FAM151B: variants seen among roughly 807,000 people sequenced by gnomAD.
The protein encoded by FAM151B is family with sequence similarity 151 member B.
Under a neutral mutation model 31.2 loss-of-function variants are expected in FAM151B, and 24 were observed. That is an observed-to-expected ratio of 0.77 (90% CI 0.56 to 1.08). FAM151B has a LOEUF of 1.08. FAM151B is among the 50% of genes least tolerant of loss of function. FAM151B has a pLI of 0.00. For missense variants in FAM151B, 293 were observed against 328.6 expected, an observed-to-expected ratio of 0.89 and a Z score of 0.84; for synonymous variants, 105 against 111.4, an observed-to-expected ratio of 0.94 and a Z score of 0.36.
intron 2 of FAM151B, among the ~76,000 whole-genome samples, chr5:80,502,340 G>T (rs1743778571): frequency 6.6e-6 from 1 of 152,048 alleles, no homozygotes; most frequent in African/African-American, 2.4e-5. Context: ...ATTTTCTTAT[G>T]TATGTAGTGA....
At chr5:80,504,352 C>T (rs1743865490) in intron 2 of FAM151B, among the ~76,000 whole-genome samples, 1 of 152,002 alleles carries the variant, frequency 6.6e-6, no homozygotes, top group Non-Finnish European at 1.5e-5. Flanking sequence ...CTAGAAGCCA[C>T]CAGGATTTCT....
chr5:80,540,068 C>T (rs2046029568), intron 5 of FAM151B, among the ~76,000 whole-genome samples: 1 of 152,138 alleles, frequency 6.6e-6, no homozygotes, highest in African/African-American at 2.4e-5. Context: ...AGGAAGTCAG[C>T]GTTGATACAA....
chr5:80,537,543 T>G (rs574952688), intron 5 of FAM151B, among the ~76,000 whole-genome samples: 1 of 152,324 alleles, frequency 6.6e-6, no homozygotes, highest in Non-Finnish European at 1.5e-5. Flanking sequence ...CCATGAGTAG[T>G]TGTCAAAATC....
intron 1 of FAM151B, among the ~76,000 whole-genome samples, chr5:80,491,789 G>A (rs780460293): frequency 2.0e-5 from 3 of 152,040 alleles, no homozygotes; most frequent in African/African-American, 4.8e-5. Flanking sequence ...TTCGTTTGTC[G>A]AAGATGACAG....
intron 1 of FAM151B, among the ~76,000 whole-genome samples, chr5:80,497,521 C>T (rs1743589686): frequency 6.6e-6 from 1 of 151,878 alleles, no homozygotes; most frequent in Non-Finnish European, 1.5e-5. Flanking sequence ...AGAGTTACAG[C>T]CTGTTTAAAT....
chr5:80,531,874 A>G (rs545362549), intron 5 of FAM151B, among the ~76,000 whole-genome samples: 1 of 152,316 alleles, frequency 6.6e-6, no homozygotes, highest in East Asian at 1.9e-4. Flanking sequence ...TGATCCAGCC[A>G]TCTCATTACT....
At chr5:80,521,919 C>A in intron 4 of FAM151B, 84 bp from the exon 5 acceptor site, 1 of 964,268 alleles carries the variant, frequency 1.0e-6, no homozygotes, top group South Asian at 2.3e-5. Context: ...ATGGTTTTAC[C>A]TAATTATAGG....
chr5:80,515,573 G>A (rs2112631934), intron 3 of FAM151B, among the ~76,000 whole-genome samples: 1 of 152,244 alleles, frequency 6.6e-6, no homozygotes, highest in South Asian at 2.1e-4. Context: ...CTTCTCACCA[G>A]TCAGATCAGC....
intron 1 of FAM151B, chr5:80,500,997 G>C (rs1743719667): frequency 1.6e-6 from 1 of 611,956 alleles, no homozygotes; most frequent in Non-Finnish European, 2.9e-6. Context: ...TGAAGAAAAA[G>C]ACCATCCATT....
chr5:80,520,036 A>G (rs1319020034), intron 4 of FAM151B, 126 bp downstream of exon 4: 1 of 823,606 alleles, frequency 1.2e-6, no homozygotes, highest in East Asian at 2.7e-5. Flanking sequence ...AAAAGGCCTG[A>G]CCCTTCAGGT....
chr5:80,500,351 A>G, intron 1 of FAM151B: 1 of 1,037,642 alleles, frequency 9.6e-7, no homozygotes, highest in Non-Finnish European at 1.5e-6. Flanking sequence ...TGTAGAAGAG[A>G]AAGAGAAGGT....
At chr5:80,488,923 A>C (rs1743211593) in intron 1 of FAM151B, among the ~76,000 whole-genome samples, 2 of 152,094 alleles carry the variant, frequency 1.3e-5, no homozygotes, top group Non-Finnish European at 2.9e-5. Context: ...ATATTAGTAT[A>C]GGGAAATAGG....
At chr5:80,512,845 A>AT (rs1400194723) in intron 2 of FAM151B, among the ~76,000 whole-genome samples, 2 of 151,690 alleles carry the variant, frequency 1.3e-5, no homozygotes, top group Admixed American at 6.6e-5. Flanking sequence ...TTTTAAAATT[A>AT]TTTTTTCCAA....
intron 5 of FAM151B, among the ~76,000 whole-genome samples, chr5:80,539,772 A>G (rs1222006286): frequency 1.3e-5 from 2 of 148,630 alleles, no homozygotes; most frequent in East Asian, 3.9e-4. Flanking sequence ...GATTACAGGC[A>G]TGAGCCACCG....
At chr5:80,512,742 A>G (rs1744236882) in intron 2 of FAM151B, among the ~76,000 whole-genome samples, 1 of 150,654 alleles carries the variant, frequency 6.6e-6, no homozygotes, top group South Asian at 2.1e-4. Context: ...TAATGCTGCT[A>G]CTGCATCAGC....
intron 2 of FAM151B, among the ~76,000 whole-genome samples, chr5:80,507,440 G>A (rs994108603): frequency 1.3e-5 from 2 of 152,112 alleles, no homozygotes; most frequent in African/African-American, 4.8e-5. Context: ...CAGCACTTTG[G>A]GAGGCCAAGG....
Position 80,501,979 on chromosome 5 carries a change from G to T in FAM151B, c.151+62G>T, listed in dbSNP as rs149944081. 401 of 1,358,668 alleles carry T rather than the reference G, an allele frequency of 3.0e-4. 3 individuals are homozygous for T. In the African/African-American group the frequency reaches 5.4e-3, roughly 18 times the overall value. The allele number at this position is 1,358,668 out of a possible 1,614,324, so 84.2% of individuals were successfully genotyped here. On this transcript the variant is annotated intron_variant, in intron 2 of 5. Coordinates refer to ENST00000282226, the MANE Select transcript of FAM151B (RefSeq NM_205548.3). ...AATAGATTAATTCAACTCCTTTTTT[G>T]ATATCTAGGTATATTTGCAGATACT...
chr5:80,541,583 G>A, intron 5 of FAM151B, 90 bp from the exon 6 acceptor site: 1 of 1,191,632 alleles, frequency 8.4e-7, no homozygotes, highest in East Asian at 2.4e-5. Flanking sequence ...ATTTGAGTTA[G>A]AGATAAATGA....
Position 80,500,597 on chromosome 5 carries a change from G to C in FAM151B, c.26-1195G>C, listed in dbSNP as rs927699569. ...CTGTGTACCTGCAGAACCCAAAATG[G>C]CATTTGTCCTCAGGATCAGAGGTGT... On this transcript the variant is annotated intron_variant, in intron 1 of 5. Coordinates refer to ENST00000282226, the MANE Select transcript of FAM151B (RefSeq NM_205548.3). 21 of 757,178 alleles carry C rather than the reference G, an allele frequency of 2.8e-5. No individual in the cohort carries two copies. In the African/African-American group the frequency reaches 3.4e-4, roughly 12 times the overall value. 46.9% of individuals were successfully genotyped at this position (757,178 alleles called of 1,614,324 possible).
Sources: gnomAD v4.1 joint callset for allele counts (sites outside exome capture counted in the v4.1 genomes callset) on GRCh38, gnomAD v4.1.1 for gene constraint, MANE v1.5 for transcripts, NCBI Gene and HGNC (gene_info 2026-07-23, HGNC 2026-07-21) for gene names.